Variants in UNC13B observed in about 807,000 individuals in gnomAD.
The protein encoded by UNC13B is unc-13 homolog B.
In UNC13B, 144 loss-of-function variants were observed where a neutral mutation model predicts 211.0. The observed-to-expected ratio is 0.68, with a 90% CI of 0.60 to 0.78. The LOEUF (loss-of-function observed/expected upper bound fraction) is 0.78. Among genes scored for constraint, UNC13B ranks in the 30% least tolerant of loss-of-function variants. The pLI is 0.00. For missense variants in UNC13B, 1,777 were observed against 2,002.0 expected, an observed-to-expected ratio of 0.89 and a Z score of 2.14; for synonymous variants, 709 against 725.8, an observed-to-expected ratio of 0.98 and a Z score of 0.37.
chr9:35,386,837 C>T (rs576520897), intron 24 of UNC13B, among the ~76,000 whole-genome samples: 2 of 152,320 alleles, frequency 1.3e-5, no homozygotes, highest in African/African-American at 2.4e-5. Flanking sequence ...TAGCCTGGCA[C>T]CCTAAGTCAG....
chr9:35,328,378 C>T (rs1380694880), intron 11 of UNC13B, among the ~76,000 whole-genome samples: 1 of 152,104 alleles, frequency 6.6e-6, no homozygotes, highest in Non-Finnish European at 1.5e-5. Flanking sequence ...CCTCTATTGA[C>T]ACTGAAAAGA....
At chr9:35,220,765 GTA>G (rs1222261706) in intron 1 of UNC13B, among the ~76,000 whole-genome samples, 1 of 152,048 alleles carries the variant, frequency 6.6e-6, no homozygotes, top group African/African-American at 2.4e-5. Context: ...CTTTTTTGGG[GTA>G]TATACCTAGC....
chr9:35,263,789 G>A (rs1281668427), intron 7 of UNC13B, among the ~76,000 whole-genome samples: 1 of 152,144 alleles, frequency 6.6e-6, no homozygotes, highest in African/African-American at 2.4e-5. Context: ...GCCCTCATAA[G>A]AAGAAGAGAT....
At chr9:35,362,682 C>A (rs1051593258) in intron 11 of UNC13B, among the ~76,000 whole-genome samples, 1 of 151,912 alleles carries the variant, frequency 6.6e-6, no homozygotes, top group Non-Finnish European at 1.5e-5. Flanking sequence ...CGCCTGTAGT[C>A]CCAGCTACTT....
intron 14 of UNC13B, among the ~76,000 whole-genome samples, chr9:35,375,599 A>C (rs1310421604): frequency 6.6e-6 from 1 of 152,174 alleles, no homozygotes; most frequent in African/African-American, 2.4e-5. Context: ...GCCAGGATAG[A>C]GCATCTTCTT....
intron 7 of UNC13B, among the ~76,000 whole-genome samples, chr9:35,283,515 CCT>C (rs1386705792): frequency 6.6e-6 from 1 of 152,140 alleles, no homozygotes; most frequent in East Asian, 1.9e-4. Context: ...CACCCCCTCT[CCT>C]CTTTTCCTTT....
intron 11 of UNC13B, among the ~76,000 whole-genome samples, chr9:35,342,892 T>C (rs1832095442): frequency 6.6e-6 from 1 of 152,168 alleles, no homozygotes. Flanking sequence ...TATGTGTATA[T>C]GTGAGAGAGA....
At chr9:35,316,859 A>G (rs1345935644) in intron 11 of UNC13B, among the ~76,000 whole-genome samples, 2 of 152,194 alleles carry the variant, frequency 1.3e-5, no homozygotes, top group Non-Finnish European at 2.9e-5. Context: ...ATGTACAATC[A>G]GACCTTAAAG....
intron 12 of UNC13B, among the ~76,000 whole-genome samples, chr9:35,368,215 C>A (rs1833897810): frequency 6.6e-6 from 1 of 152,164 alleles, no homozygotes; most frequent in East Asian, 1.9e-4. Context: ...TCCTCCTACC[C>A]TTCACCCTCA....
chr9:35,227,896 G>A (rs924206274), intron 1 of UNC13B, 119 bp from the exon 2 acceptor site: 1 of 779,348 alleles, frequency 1.3e-6, no homozygotes, highest in South Asian at 2.1e-5. Context: ...TTTTTCTCCA[G>A]GTTTAGATTT....
At chr9:35,271,187 C>G (rs1270377300) in intron 7 of UNC13B, among the ~76,000 whole-genome samples, 1 of 151,034 alleles carries the variant, frequency 6.6e-6, no homozygotes, top group East Asian at 1.9e-4. Context: ...TAAATTGCCT[C>G]TGCATCTTTG....
chr9:35,186,415 G>A (rs776344432), intron 1 of UNC13B, among the ~76,000 whole-genome samples: 11 of 152,124 alleles, frequency 7.2e-5, no homozygotes, highest in Non-Finnish European at 1.3e-4. Flanking sequence ...GACCTGGAAG[G>A]TCCTCCCACC....
Position 35,300,327 on chromosome 9 carries a change from C to T in UNC13B, c.923C>T (p.Thr308Ile), listed in dbSNP as rs186930569. 2 of 398,874 alleles carry T rather than the reference C, an allele frequency of 5.0e-6. No homozygotes were observed. The highest frequency in any genetic ancestry group is 4.1e-5 in the African/African-American group (2 of 48,726). 24.7% of individuals were successfully genotyped at this position (398,874 alleles called of 1,614,324 possible). The stretch of plus-strand genomic sequence containing the variant: ...ACTGAAAATTGTACCCTTTGCCATA[C>T]TGAAAAGAAACAAAATATGGGGTAC... The part of the protein sequence containing the change: ...SNTENCTLCH[T>I]EKKQNMGYPV... The change falls in exon 9 of 40, where the codon ACT (threonine) becomes ATT (isoleucine). Residue 308 changes from threonine (T) to isoleucine (I), a missense_variant. By Grantham distance (89) the Thr-to-Ile change is moderately conservative (BLOSUM62 -1). Transcript: ENST00000635942.
chr9:35,268,279 T>C (rs557159898), intron 7 of UNC13B, among the ~76,000 whole-genome samples: 2 of 152,218 alleles, frequency 1.3e-5, no homozygotes, highest in African/African-American at 4.8e-5. Flanking sequence ...CACATTGACA[T>C]AGACATTCTA....
At chr9:35,164,833 C>A (rs1038501044) in intron 1 of UNC13B, among the ~76,000 whole-genome samples, 5 of 152,230 alleles carry the variant, frequency 3.3e-5, no homozygotes, top group Non-Finnish European at 7.3e-5. Flanking sequence ...ACAGTGATCT[C>A]TTTTTCCTTT....
chr9:35,257,203 A>G (rs1826929062), intron 6 of UNC13B, among the ~76,000 whole-genome samples: 1 of 151,466 alleles, frequency 6.6e-6, no homozygotes, highest in Non-Finnish European at 1.5e-5. Context: ...TCACACCTGT[A>G]ATCCCAGCAC....
intron 1 of UNC13B, among the ~76,000 whole-genome samples, chr9:35,219,128 T>C (rs10972385): frequency 0.048 from 7,260 of 152,250 alleles, 405 homozygotes; most frequent in East Asian, 0.3. Flanking sequence ...GTTTTCTTCA[T>C]GGTTAAATTT....
intron 1 of UNC13B, among the ~76,000 whole-genome samples, chr9:35,222,630 A>G (rs1824625681): frequency 6.6e-6 from 1 of 152,226 alleles, no homozygotes; most frequent in Non-Finnish European, 1.5e-5. Context: ...ATTTCTGTAC[A>G]TGCATACAAT....
chr9:35,219,316 C>T (rs1008514862), intron 1 of UNC13B, among the ~76,000 whole-genome samples: 3 of 152,182 alleles, frequency 2.0e-5, no homozygotes, highest in Non-Finnish European at 2.9e-5. Flanking sequence ...CCTGCTTTCA[C>T]TATTAGGAGA....
Sources: gnomAD v4.1 joint callset for allele counts (sites outside exome capture counted in the v4.1 genomes callset) on GRCh38, gnomAD v4.1.1 for gene constraint, MANE v1.5 for transcripts, NCBI Gene and HGNC (gene_info 2026-07-23, HGNC 2026-07-21) for gene names.